The following HLCS variants were observed in gnomAD, a reference collection of about 807,000 sequenced individuals.
HLCS encodes holocarboxylase synthetase, also known as biotin--protein ligase.
HLCS carries 53 observed loss-of-function variants against 75.0 expected under a neutral mutation model. The ratio of observed to expected loss-of-function variants is 0.71; its 90% CI spans 0.57 to 0.89. The LOEUF is 0.89. Ranked by LOEUF, HLCS falls within the 40% of genes least tolerant of loss-of-function variation. The pLI is 0.00. For missense variants in HLCS, 966 were observed against 1,074.0 expected (o/e 0.90, Z 1.41); for synonymous variants, 431 against 428.6 (o/e 1.01, Z -0.07).
intron 6 of HLCS, among the ~76,000 whole-genome samples, chr21:36,809,213 T>TA (rs36086662): frequency 0.16 from 23,572 of 147,030 alleles, 1,931 homozygotes; most frequent in Non-Finnish European, 0.19. Context: ...GACCTCAACT[T>TA]AAAAAAAAAA....
chr21:36,926,504 A>G (rs2066412876), intron 5 of HLCS, among the ~76,000 whole-genome samples: 1 of 152,228 alleles, frequency 6.6e-6, no homozygotes, highest in Non-Finnish European at 1.5e-5. Context: ...AATGACACGC[A>G]GTCATTTGTT....
At chr21:36,915,726 G>A (rs533745562) in intron 5 of HLCS, among the ~76,000 whole-genome samples, 7 of 150,670 alleles carry the variant, frequency 4.6e-5, no homozygotes, top group Admixed American at 2.6e-4. Flanking sequence ...AGTTTCCTCC[G>A]GCATGCCCAC....
chr21:36,850,005 A>G (rs992878527), intron 6 of HLCS, among the ~76,000 whole-genome samples: 26 of 152,022 alleles, frequency 1.7e-4, no homozygotes, highest in Admixed American at 1.5e-3. Flanking sequence ...GTTCCTTTCA[A>G]CTTTCTTCTT....
At chr21:36,977,458 C>T (rs2068970688) in intron 1 of HLCS, among the ~76,000 whole-genome samples, 1 of 152,212 alleles carries the variant, frequency 6.6e-6, no homozygotes, top group Admixed American at 6.5e-5. Flanking sequence ...CATTGTCTTC[C>T]TAACAATCGT....
At chr21:36,930,757 C>T (rs1004847185) in intron 4 of HLCS, among the ~76,000 whole-genome samples, 5 of 152,180 alleles carry the variant, frequency 3.3e-5, no homozygotes, top group African/African-American at 1.2e-4. Flanking sequence ...CAAGAGAAAA[C>T]TTGAACATGA....
At chr21:36,772,757 G>A (rs2060247230) in intron 6 of HLCS, among the ~76,000 whole-genome samples, 1 of 152,120 alleles carries the variant, frequency 6.6e-6, no homozygotes, top group Non-Finnish European at 1.5e-5. Context: ...GGCCAAGGCG[G>A]GCAGATCACG....
rs778061862 is a variant in HLCS, at chr21:36,936,558, A to C, written c.1328T>G (p.Val443Gly). The C allele has an allele frequency of 2.5e-6, 4 of 1,614,040 alleles. No homozygotes were observed. The highest frequency in any genetic ancestry group is 3.4e-6 in the Non-Finnish European group (4 of 1,180,028). Reference protein sequence around the residue: ...SSGCRYQEGPVRLSPGRLQGH... With the variant: ...SSGCRYQEGPGRLSPGRLQGH... Reference sequence around the variant, plus strand: ...CTGGAGCCTGCCGGGGCTGAGCCGGACGGGGCCTTCCTGGTACCTGCAGCC... The same window carrying C: ...CTGGAGCCTGCCGGGGCTGAGCCGGCCGGGGCCTTCCTGGTACCTGCAGCC... The change falls in exon 4 of 11, where the codon GTC becomes GGC. Residue 443 changes from valine to glycine, a missense_variant. Val to Gly is a moderately radical substitution (Grantham distance 109, BLOSUM62 -3). Transcript: ENST00000674895.
At chr21:36,929,020 C>T (rs950365944) in intron 5 of HLCS, among the ~76,000 whole-genome samples, 2 of 152,186 alleles carry the variant, frequency 1.3e-5, no homozygotes, top group Admixed American at 6.5e-5. Context: ...TATAAGCAGA[C>T]ACATGATACA....
intron 5 of HLCS, among the ~76,000 whole-genome samples, chr21:36,909,224 T>A (rs930320177): frequency 2.0e-5 from 3 of 152,138 alleles, no homozygotes; most frequent in Non-Finnish European, 2.9e-5. Context: ...CAAAGGAATC[T>A]TTCGGAATAC....
At chr21:36,778,062 G>A (rs1188298149) in intron 6 of HLCS, among the ~76,000 whole-genome samples, 10 of 152,086 alleles carry the variant, frequency 6.6e-5, no homozygotes, top group East Asian at 3.9e-4. Context: ...TCCACCTCCC[G>A]GGTTCACACC....
chr21:36,754,158 G>C lies in HLCS; in HGVS notation c.*88C>G. On this transcript the variant is annotated 3_prime_UTR_variant, in exon 11 of 11. Transcript: ENST00000674895. ...GAACAAAGACTTAACAAATGAATTG[G>C]AGGAAAAGAAAATTCACCTACAACT... 1 of 1,286,904 alleles carries C rather than the reference G, an allele frequency of 7.8e-7. No individual in the cohort carries two copies. Among genetic ancestry groups the C allele is most frequent in the Non-Finnish European group, 1.1e-6 (1 of 902,810 alleles). 79.7% of individuals were successfully genotyped at this position (1,286,904 alleles called of 1,614,324 possible).
intron 6 of HLCS, among the ~76,000 whole-genome samples, chr21:36,779,484 T>C (rs1432901084): frequency 6.6e-6 from 1 of 152,202 alleles, no homozygotes; most frequent in Non-Finnish European, 1.5e-5. Flanking sequence ...TCTATATTCA[T>C]AAATTCTTTC....
rs2089477755 is a variant in HLCS, at chr21:36,754,391, G to A, written c.2477C>T (p.Ala826Val). Residue 826 changes from alanine to valine, a missense_variant, in exon 11 of 11, where the codon GCA becomes GTA. Coordinates refer to ENST00000674895, the MANE Select transcript of HLCS (RefSeq NM_001352514.2). ...AACGATGGACACCTTTGGTCCCTCT[G>A]CGCTGCCCAGATGGACTTGCTGACC... ...HSGQQVHLGS[A>V]EGPKVSIVGL... 1 of 1,613,358 alleles carries A rather than the reference G, an allele frequency of 6.2e-7. No individual in the cohort carries two copies. The highest frequency in any genetic ancestry group is 1.3e-5 in the African/African-American group (1 of 74,932).
intron 6 of HLCS, among the ~76,000 whole-genome samples, chr21:36,799,368 T>C (rs947614251): frequency 2.2e-4 from 34 of 152,380 alleles, no homozygotes; most frequent in African/African-American, 7.2e-4. Context: ...GTTCCATTCA[T>C]CTGTATATCT....
chr21:36,947,609 G>T, intron 2 of HLCS: 4 of 985,460 alleles, frequency 4.1e-6, no homozygotes, highest in Non-Finnish European at 4.8e-6. Context: ...AAACAAAGGA[G>T]TTTCCTCCTA....
At chr21:36,857,722 T>C (rs2063243200) in intron 6 of HLCS, among the ~76,000 whole-genome samples, 2 of 152,212 alleles carry the variant, frequency 1.3e-5, no homozygotes, top group Admixed American at 1.3e-4. Context: ...AGAGTGATCC[T>C]GTTTTCCCCA....
chr21:36,939,941 CG>C (rs2067067881), intron 2 of HLCS, among the ~76,000 whole-genome samples: 1 of 152,080 alleles, frequency 6.6e-6, no homozygotes, highest in South Asian at 2.1e-4. Context: ...CCCAGCTACT[CG>C]GGGGGCTGAG....
chr21:36,856,725 T>C (rs987316530), intron 6 of HLCS, among the ~76,000 whole-genome samples: 1 of 152,182 alleles, frequency 6.6e-6, no homozygotes, highest in Middle Eastern at 3.4e-3. Flanking sequence ...CCACCACCAA[T>C]AATCACCTAG....
At chr21:36,951,817 G>T (rs2067683278) in intron 2 of HLCS, among the ~76,000 whole-genome samples, 1 of 152,170 alleles carries the variant, frequency 6.6e-6, no homozygotes, top group Admixed American at 6.5e-5. Flanking sequence ...AGAAAATATT[G>T]AAAACTGAGC....
Sources: allele counts gnomAD v4.1 joint callset (sites outside exome capture counted in the v4.1 genomes callset), GRCh38; gene constraint gnomAD v4.1.1; transcripts MANE v1.5; gene names NCBI Gene and HGNC (gene_info 2026-07-23, HGNC 2026-07-21).